PLCL1: variants seen among roughly 807,000 people sequenced by gnomAD.
PLCL1 encodes phospholipase C like 1 (inactive).
A neutral mutation model predicts 84.4 loss-of-function variants in PLCL1; 41 were observed. The observed-to-expected ratio is 0.49, with a 90% CI of 0.38 to 0.63. The LOEUF (loss-of-function observed/expected upper bound fraction) is 0.63. Ranked by LOEUF, PLCL1 falls within the 30% of genes least tolerant of loss-of-function variation. The probability of loss-of-function intolerance (pLI) is 0.00; values close to 1 mark genes in which losing one functional copy is unlikely to be tolerated. For missense variants in PLCL1, 1,206 were observed against 1,367.8 expected (o/e 0.88, Z 1.87); for synonymous variants, 490 against 488.3 (o/e 1.00, Z -0.05).
intron 1 of PLCL1, among the ~76,000 whole-genome samples, chr2:197,985,575 C>T (rs1456667790): frequency 6.6e-6 from 1 of 152,204 alleles, no homozygotes. Context: ...AAACATGACA[C>T]TGTACCCCAT....
chr2:198,123,515 G>A (rs1693919251), intron 5 of PLCL1, among the ~76,000 whole-genome samples: 1 of 151,966 alleles, frequency 6.6e-6, no homozygotes, highest in Admixed American at 6.6e-5. Context: ...AGGTACAGAA[G>A]GAAGACCATG....
At chr2:198,092,033 G>A (rs534568804) in intron 3 of PLCL1, among the ~76,000 whole-genome samples, 52 of 144,168 alleles carry the variant, frequency 3.6e-4, no homozygotes, top group African/African-American at 1.3e-3. Flanking sequence ...TTTACCTGCC[G>A]CTCCCAACTG....
At chr2:198,001,857 C>T (rs886808080) in intron 1 of PLCL1, 5 of 209,662 alleles carry the variant, frequency 2.4e-5, no homozygotes, top group South Asian at 7.1e-5. Context: ...AGCGCGAAAC[C>T]CTATTGTGAA....
chr2:197,891,567 G>A (rs1688028890), intron 1 of PLCL1, among the ~76,000 whole-genome samples: 1 of 149,230 alleles, frequency 6.7e-6, no homozygotes, highest in South Asian at 2.1e-4. Context: ...CATACTGAGG[G>A]CTTTAGATTT....
At chr2:198,081,728 A>T (rs1249807640) in intron 1 of PLCL1, among the ~76,000 whole-genome samples, 1 of 152,202 alleles carries the variant, frequency 6.6e-6, no homozygotes, top group East Asian at 1.9e-4. Context: ...AACATCTCAT[A>T]ACTAAAGCAA....
chr2:197,894,620 C>G (rs1688098771), intron 1 of PLCL1, among the ~76,000 whole-genome samples: 1 of 151,928 alleles, frequency 6.6e-6, no homozygotes. Context: ...TGGAATTAAA[C>G]TGTGGCCGCT....
intron 5 of PLCL1, among the ~76,000 whole-genome samples, chr2:198,129,346 A>C (rs1426522193): frequency 6.6e-6 from 1 of 152,170 alleles, no homozygotes; most frequent in Non-Finnish European, 1.5e-5. Context: ...GGTCTCCAAC[A>C]ACACCCCTTA....
intron 1 of PLCL1, among the ~76,000 whole-genome samples, chr2:198,021,052 C>G (rs574911850): frequency 5.0e-4 from 76 of 152,222 alleles, no homozygotes; most frequent in Non-Finnish European, 9.0e-4. Flanking sequence ...AACAGTCTCT[C>G]AGACCACAGT....
intron 1 of PLCL1, among the ~76,000 whole-genome samples, chr2:197,836,874 G>C (rs1270348973): frequency 6.6e-6 from 1 of 152,010 alleles, no homozygotes; most frequent in Non-Finnish European, 1.5e-5. Flanking sequence ...TTTTAAAGTT[G>C]TTTTTGTTGA....
chr2:198,123,047 C>A (rs1027645390), intron 5 of PLCL1, among the ~76,000 whole-genome samples: 1 of 152,022 alleles, frequency 6.6e-6, no homozygotes, highest in African/African-American at 2.4e-5. Flanking sequence ...CCCACCTGGT[C>A]CATAGCTGTT....
intron 1 of PLCL1, among the ~76,000 whole-genome samples, chr2:197,826,000 C>T (rs1447022414): frequency 2.6e-5 from 4 of 152,092 alleles, no homozygotes; most frequent in African/African-American, 7.2e-5. Context: ...AATGAAAAGT[C>T]GGTAATTCAC....
rs1361697321 is a variant in PLCL1 at position 197,899,886 on chromosome 2, C to T, written c.240+94547C>T. ...TCCTGACCTCGTGATCCGCCCGCCTCGGCCTCCCAAAGTGCTGGGATTACA... is the reference window on the plus strand; with the variant it reads ...TCCTGACCTCGTGATCCGCCCGCCTTGGCCTCCCAAAGTGCTGGGATTACA... On this transcript the variant is annotated intron_variant, in intron 1 of 5. Transcript: ENST00000428675. Among the ~76,000 whole-genome samples, 2 of 152,002 alleles carry T rather than the reference C, an allele frequency of 1.3e-5. 1 individual carries two copies. Among genetic ancestry groups the T allele is most frequent in the African/African-American group, 4.8e-5 (2 of 41,366 alleles).
chr2:197,917,121 A>G (rs190097017), intron 1 of PLCL1, among the ~76,000 whole-genome samples: 3 of 152,346 alleles, frequency 2.0e-5, no homozygotes, highest in East Asian at 3.9e-4. Context: ...AGCTAAATAT[A>G]GTCTTATCAC....
At chr2:197,862,536 G>A (rs1173076602) in intron 1 of PLCL1, among the ~76,000 whole-genome samples, 1 of 152,108 alleles carries the variant, frequency 6.6e-6, no homozygotes, top group Non-Finnish European at 1.5e-5. Flanking sequence ...CAGTACAGCT[G>A]GATGTAGGGG....
chr2:198,055,794 T>G (rs1298894814), intron 1 of PLCL1, among the ~76,000 whole-genome samples: 2 of 152,182 alleles, frequency 1.3e-5, no homozygotes, highest in East Asian at 3.9e-4. Context: ...AAAGCTCCAG[T>G]GCTGTCATAA....
chr2:197,878,581 G>A (rs1205908828), intron 1 of PLCL1, among the ~76,000 whole-genome samples: 1 of 152,090 alleles, frequency 6.6e-6, no homozygotes, highest in Non-Finnish European at 1.5e-5. Context: ...AGTCAATGGG[G>A]GATGAAAGTG....
intron 1 of PLCL1, among the ~76,000 whole-genome samples, chr2:197,973,035 A>G (rs1245528574): frequency 6.6e-6 from 1 of 152,194 alleles, no homozygotes; most frequent in African/African-American, 2.4e-5. Flanking sequence ...TGGCAAGGAT[A>G]AACTACCCTT....
chr2:198,140,881 G>A (rs951475000), intron 5 of PLCL1, among the ~76,000 whole-genome samples: 1 of 152,040 alleles, frequency 6.6e-6, no homozygotes, highest in African/African-American at 2.4e-5. Context: ...ATTAATCAGA[G>A]TTTGTGACCA....
intron 1 of PLCL1, among the ~76,000 whole-genome samples, chr2:197,933,265 C>CTTTTTTTTT (rs774904338): frequency 7.9e-6 from 1 of 127,260 alleles, no homozygotes; most frequent in Non-Finnish European, 1.7e-5. Flanking sequence ...TTTTTCTTTT[C>CTTTTTTTTT]TTTTTTTTTT....
Sources: gnomAD v4.1 joint callset for allele counts (sites outside exome capture counted in the v4.1 genomes callset) on GRCh38, gnomAD v4.1.1 for gene constraint, MANE v1.5 for transcripts, NCBI Gene and HGNC (gene_info 2026-07-23, HGNC 2026-07-21) for gene names.